Variants in NRXN3 observed in about 807,000 individuals in gnomAD.
The protein encoded by NRXN3 is neurexin 3, also known as neurexin III.
Under a neutral mutation model 137.6 loss-of-function variants are expected in NRXN3, and 32 were observed. That is an observed-to-expected ratio of 0.23 (90% CI 0.18 to 0.31). The LOEUF is 0.31. Ranked by LOEUF, NRXN3 falls within the 10% of genes least tolerant of loss-of-function variation. The probability of loss-of-function intolerance (pLI) is 1.00; values close to 1 mark genes in which losing one functional copy is unlikely to be tolerated. For synonymous variants in NRXN3, 798 were observed against 784.5 expected (o/e 1.02, Z -0.29); for missense variants, 1,574 against 2,062.5 (o/e 0.76, Z 4.59).
At position 79,489,744 on chromosome 14, in the gene NRXN3, T is replaced by C. The variant is rs1601082836; in HGVS notation, c.3444+22342T>C. On this transcript the variant is annotated intron_variant, in intron 16 of 20. Transcript: ENST00000335750. ...AGAAGCAAATAGATACCCCTGCAAA[T>C]ATCTGGTAATTTCGGCCGGGCGTGG... is the stretch of plus-strand genomic sequence containing the variant. Among the ~76,000 whole-genome samples, 15 of 152,012 alleles carry C rather than the reference T, an allele frequency of 9.9e-5. 1 individual carries two copies. In the South Asian group the frequency reaches 3.1e-3, roughly 32 times the overall value.
chr14:79,585,937 C>T (rs989580967), intron 16 of NRXN3, among the ~76,000 whole-genome samples: 1 of 152,172 alleles, frequency 6.6e-6, no homozygotes, highest in Non-Finnish European at 1.5e-5. Context: ...TATGTCTTAC[C>T]TGTGCACACA....
At chr14:79,703,510 C>T (rs2098763596) in intron 19 of NRXN3, among the ~76,000 whole-genome samples, 1 of 152,036 alleles carries the variant, frequency 6.6e-6, no homozygotes, top group Non-Finnish European at 1.5e-5. Flanking sequence ...TAAAAAACTA[C>T]CCGAGACTAA....
rs74964064 is a variant in NRXN3, at chr14:79,421,635, G to A, written c.3263-45586G>A. On this transcript the variant is annotated intron_variant, in intron 15 of 20. Transcript: ENST00000335750. ...TAGGCCCAGTTTAATATTAGGAGAC[G>A]TTGTCTAGCTTTTAATATTAGGTTT... 5.5e-3 allele frequency among the ~76,000 whole-genome samples: 842 copies of A among 152,180 alleles called. 12 individuals are homozygous for A. The highest frequency in any genetic ancestry group is 0.018 in the African/African-American group (758 of 41,510).
intron 14 of NRXN3, among the ~76,000 whole-genome samples, chr14:78,986,122 T>A (rs1224504076): frequency 6.6e-6 from 1 of 152,174 alleles, no homozygotes; most frequent in Non-Finnish European, 1.5e-5. Flanking sequence ...ACATGCGTCT[T>A]TAGGACCCTG....
At chr14:79,214,522 C>T (rs887603071) in intron 15 of NRXN3, among the ~76,000 whole-genome samples, 1 of 152,096 alleles carries the variant, frequency 6.6e-6, no homozygotes, top group Non-Finnish European at 1.5e-5. Flanking sequence ...ATAGATAGGC[C>T]AATTACTCTG....
chr14:79,773,378 C>G (rs1288129355), intron 19 of NRXN3, among the ~76,000 whole-genome samples: 2 of 152,050 alleles, frequency 1.3e-5, no homozygotes, highest in Non-Finnish European at 2.9e-5. Flanking sequence ...GGAACCAACC[C>G]AAATGTCCAC....
At chr14:79,512,101 G>C (rs1347045204) in intron 16 of NRXN3, among the ~76,000 whole-genome samples, 5 of 152,138 alleles carry the variant, frequency 3.3e-5, no homozygotes, top group Non-Finnish European at 7.3e-5. Context: ...GTTTCACCAT[G>C]TTGGTCAGGC....
chr14:79,196,962 T>G (rs1372719953), intron 15 of NRXN3, among the ~76,000 whole-genome samples: 1 of 152,164 alleles, frequency 6.6e-6, no homozygotes, highest in East Asian at 1.9e-4. Context: ...TAATCTCAGC[T>G]GGGCTCACTC....
intron 19 of NRXN3, among the ~76,000 whole-genome samples, chr14:79,743,935 T>C (rs907427441): frequency 2.0e-5 from 3 of 152,220 alleles, no homozygotes; most frequent in African/African-American, 4.8e-5. Flanking sequence ...AGCATTCTTT[T>C]TGGGAAAAGA....
chr14:79,763,414 G>GTATATTTAATCATTCTATAA, intron 19 of NRXN3, among the ~76,000 whole-genome samples: 3 of 67,042 alleles, frequency 4.5e-5, no homozygotes, highest in Admixed American at 1.9e-4. Context: ...TAATCCTTTG[G>GTATATTTAATCATTCTATAA]GTATACACCC....
chr14:79,187,359 C>T (rs575103758), intron 15 of NRXN3, among the ~76,000 whole-genome samples: 18 of 152,238 alleles, frequency 1.2e-4, no homozygotes, highest in Middle Eastern at 3.4e-3. Context: ...AATTCATTAT[C>T]TCATTTAATC....
chr14:79,420,159 T>G (rs2095555202), intron 15 of NRXN3, among the ~76,000 whole-genome samples: 2 of 152,188 alleles, frequency 1.3e-5, no homozygotes, highest in African/African-American at 4.8e-5. Flanking sequence ...CAGTTCCTGT[T>G]CTAAGGACTC....
At chr14:79,754,994 A>G (rs1335446873) in intron 19 of NRXN3, among the ~76,000 whole-genome samples, 1 of 152,146 alleles carries the variant, frequency 6.6e-6, no homozygotes, top group East Asian at 1.9e-4. Context: ...GCCATGCAGA[A>G]CTGTGAGTCA....
At chr14:78,198,318 T>A (rs1284756492) in intron 1 of NRXN3, among the ~76,000 whole-genome samples, 1 of 152,232 alleles carries the variant, frequency 6.6e-6, no homozygotes, top group Non-Finnish European at 1.5e-5. Flanking sequence ...CATGGCTTAT[T>A]ATGGCAGAGG....
intron 15 of NRXN3, among the ~76,000 whole-genome samples, chr14:79,136,270 G>T (rs2058217769): frequency 6.6e-6 from 1 of 152,162 alleles, no homozygotes; most frequent in Non-Finnish European, 1.5e-5. Context: ...CTTTGAAACA[G>T]GGCACACTTG....
At chr14:78,610,059 G>C (rs1437544472) in intron 4 of NRXN3, among the ~76,000 whole-genome samples, 1 of 151,940 alleles carries the variant, frequency 6.6e-6, no homozygotes, top group Non-Finnish European at 1.5e-5. Flanking sequence ...AGAGAGGAGA[G>C]AGAGAAAGAA....
rs753428998 is a variant in NRXN3, at chr14:79,849,962, T to C, written c.4094-11380T>C. 5.7e-4 allele frequency among the ~76,000 whole-genome samples: 87 copies of C among 152,324 alleles called. 1 individual carries two copies. Among genetic ancestry groups the C allele is most frequent in the African/African-American group, 2.1e-3 (86 of 41,586 alleles). On this transcript the variant is annotated intron_variant, in intron 20 of 20. Transcript: ENST00000335750. ...AGCAATCCTCACATCCAGACTTCCA[T>C]GTCCATGTACAGGGTTCTCTACTTT...
At chr14:78,921,039 G>A (rs956473062) in intron 10 of NRXN3, among the ~76,000 whole-genome samples, 1 of 152,170 alleles carries the variant, frequency 6.6e-6, no homozygotes, top group Non-Finnish European at 1.5e-5. Context: ...CAACCCAGAT[G>A]TCAGGGACGG....
At chr14:78,700,150 T>C (rs1331382410) in intron 6 of NRXN3, among the ~76,000 whole-genome samples, 4 of 152,212 alleles carry the variant, frequency 2.6e-5, no homozygotes, top group Non-Finnish European at 5.9e-5. Flanking sequence ...AGCAATTGTG[T>C]CTCATGGTCT....
Sources: allele counts gnomAD v4.1 joint callset (sites outside exome capture counted in the v4.1 genomes callset), GRCh38; gene constraint gnomAD v4.1.1; transcripts MANE v1.5; gene names NCBI Gene and HGNC (gene_info 2026-07-23, HGNC 2026-07-21).